The following FBN2 variants were observed in gnomAD, a reference collection of about 807,000 sequenced individuals.
FBN2 encodes the protein fibrillin-2.
Under a neutral mutation model 355.6 loss-of-function variants are expected in FBN2, and 105 were observed. The ratio of observed to expected loss-of-function variants is 0.30; its 90% CI spans 0.25 to 0.35. The LOEUF (loss-of-function observed/expected upper bound fraction) is 0.35. FBN2 is among the 10% of genes least tolerant of loss of function. The pLI, the probability that FBN2 is intolerant of heterozygous loss-of-function variation, is 1.00. For synonymous variants in FBN2, 1,350 were observed against 1,301.2 expected (o/e 1.04, Z -0.81); for missense variants, 3,280 against 3,758.7 (o/e 0.87, Z 3.33).
intron 5 of FBN2, among the ~76,000 whole-genome samples, chr5:128,482,932 T>C (rs990523938): frequency 3.9e-5 from 6 of 152,092 alleles, no homozygotes; most frequent in Non-Finnish European, 8.8e-5. Flanking sequence ...ATAACAGACA[T>C]GGAATCAACC....
At chr5:128,331,885 G>A (rs973522054) in intron 32 of FBN2, among the ~76,000 whole-genome samples, 1 of 152,022 alleles carries the variant, frequency 6.6e-6, no homozygotes, top group Non-Finnish European at 1.5e-5. Flanking sequence ...AAAAATGGGA[G>A]GCCAAAAAGA....
intron 5 of FBN2, among the ~76,000 whole-genome samples, chr5:128,495,622 A>T (rs574594805): frequency 1.3e-5 from 2 of 152,258 alleles, no homozygotes; most frequent in African/African-American, 4.8e-5. Flanking sequence ...ACCTAATGCA[A>T]TCAGAAAGAA....
chr5:128,393,232 T>G lies in FBN2; in HGVS notation c.1368A>C (p.Thr456=). 6.2e-7 allele frequency: 1 copy of G among 1,614,178 alleles called. No individual in the cohort carries two copies. The highest frequency in any genetic ancestry group is 8.5e-7 in the Non-Finnish European group (1 of 1,180,018). ...TGCCTCCAGGGATGGGGATGAAGCC[T>G]GTCCCTCCTGGGCCATAGCCATTGC... is the stretch of plus-strand genomic sequence containing the variant. ...GNGNGYGPGG[T]GFIPIPGGNG... Residue 456 remains threonine (T), a synonymous_variant, in exon 10 of 65, where the codon ACA becomes ACC. Coordinates refer to ENST00000262464, the MANE Select transcript of FBN2 (RefSeq NM_001999.4).
intron 5 of FBN2, among the ~76,000 whole-genome samples, chr5:128,466,399 TA>T (rs1369016565): frequency 1.3e-5 from 2 of 152,212 alleles, no homozygotes; most frequent in Admixed American, 6.5e-5. Context: ...CAAAACTACC[TA>T]ACATTTAAAG....
At chr5:128,320,221 A>C (rs1181470749) in intron 34 of FBN2, among the ~76,000 whole-genome samples, 1 of 143,920 alleles carries the variant, frequency 6.9e-6, no homozygotes, top group African/African-American at 2.5e-5. Flanking sequence ...CTGACTATGC[A>C]TTTTTTTTTT....
chr5:128,328,639 G>T, intron 34 of FBN2, 57 bp downstream of exon 34: 6 of 1,598,990 alleles, frequency 3.8e-6, no homozygotes, highest in Non-Finnish European at 5.1e-6. Flanking sequence ...CCTTGTTGTG[G>T]TTTCATTTAC....
At chr5:128,438,270 T>A (rs1275621008) in intron 7 of FBN2, among the ~76,000 whole-genome samples, 1 of 152,238 alleles carries the variant, frequency 6.6e-6, no homozygotes, top group South Asian at 2.1e-4. Flanking sequence ...TGGGATTACA[T>A]GTGTGTGCCG....
intron 5 of FBN2, among the ~76,000 whole-genome samples, chr5:128,503,396 T>C (rs148059666): frequency 6.6e-4 from 101 of 152,276 alleles, no homozygotes; most frequent in African/African-American, 2.3e-3. Flanking sequence ...GAAGAGACTA[T>C]GGAACTGGGT....
At chr5:128,350,072 A>G in intron 21 of FBN2, 67 bp from the exon 22 acceptor site, 1 of 1,309,110 alleles carries the variant, frequency 7.6e-7, no homozygotes, top group Admixed American at 1.7e-5. Context: ...ATGCTCAAGA[A>G]GAAGTATAAT....
chr5:128,313,950 T>C (rs953445185), intron 36 of FBN2, among the ~76,000 whole-genome samples: 1 of 151,644 alleles, frequency 6.6e-6, no homozygotes, highest in African/African-American at 2.4e-5. Context: ...ACCAACTGAG[T>C]TCCAGCCACC....
intron 5 of FBN2, among the ~76,000 whole-genome samples, chr5:128,488,333 T>C (rs570572085): frequency 1.6e-4 from 24 of 152,274 alleles, no homozygotes; most frequent in African/African-American, 5.5e-4. Context: ...AGTGACTATA[T>C]ATCAACCATG....
chr5:128,283,080 C>A (rs1169317356), intron 55 of FBN2, among the ~76,000 whole-genome samples: 1 of 152,224 alleles, frequency 6.6e-6, no homozygotes, highest in Non-Finnish European at 1.5e-5. Flanking sequence ...AACCTTTTGT[C>A]TTCTTCCAAC....
intron 3 of FBN2, among the ~76,000 whole-genome samples, chr5:128,530,214 T>C (rs947828071): frequency 6.6e-6 from 1 of 152,200 alleles, no homozygotes; most frequent in Non-Finnish European, 1.5e-5. Context: ...TGAAGCAAAA[T>C]AGGTCCATTA....
chr5:128,422,087 C>CA (rs1327563253), intron 7 of FBN2, among the ~76,000 whole-genome samples: 4 of 151,844 alleles, frequency 2.6e-5, no homozygotes, highest in East Asian at 3.9e-4. Context: ...CTTGAAAAGG[C>CA]AAAAAAATGG....
At chr5:128,351,760 C>T (rs1415799441) in intron 20 of FBN2, among the ~76,000 whole-genome samples, 1 of 151,906 alleles carries the variant, frequency 6.6e-6, no homozygotes, top group Non-Finnish European at 1.5e-5. Flanking sequence ...AGTGCATTGC[C>T]ATGTTGCCCA....
intron 25 of FBN2, 34 bp from the exon 26 acceptor site, chr5:128,339,095 T>G: frequency 6.2e-7 from 1 of 1,611,282 alleles, no homozygotes; most frequent in Non-Finnish European, 8.5e-7. Context: ...ATTTAAAAAT[T>G]GAATGAGATA....
At chr5:128,522,156 G>A (rs1756448883) in intron 4 of FBN2, among the ~76,000 whole-genome samples, 1 of 151,916 alleles carries the variant, frequency 6.6e-6, no homozygotes, top group Non-Finnish European at 1.5e-5. Context: ...AAAGATCAAG[G>A]GCCACTGATA....
chr5:128,493,287 G>A (rs7703313), intron 5 of FBN2, among the ~76,000 whole-genome samples: 1 of 151,974 alleles, frequency 6.6e-6, no homozygotes, highest in South Asian at 2.1e-4. Flanking sequence ...GGTGAAAAGC[G>A]AAGGTGTATT....
chr5:128,263,528 T>C lies in FBN2; in HGVS notation c.8089A>G (p.Asn2697Asp). 6.2e-7 allele frequency: 1 copy of C among 1,614,060 alleles called. No homozygotes were observed. Among genetic ancestry groups the C allele is most frequent in the Non-Finnish European group, 8.5e-7 (1 of 1,179,996 alleles). ...DQFSSACHDVNECSSSKNPCN... is the reference protein window; with the variant it reads ...DQFSSACHDVDECSSSKNPCN... ...GGGTTCTTGGAGGACGAGCACTCAT[T>C]CACGTCGTGGCAGGCACTGGAGAAC... The change falls in exon 63 of 65, where the codon AAT becomes GAT. Residue 2697 changes from asparagine to aspartate, a missense_variant. Asn to Asp is a conservative substitution (Grantham distance 23, BLOSUM62 1). Transcript: ENST00000262464.
Sources: allele counts gnomAD v4.1 joint callset (sites outside exome capture counted in the v4.1 genomes callset), GRCh38; gene constraint gnomAD v4.1.1; transcripts MANE v1.5; gene names NCBI Gene and HGNC (gene_info 2026-07-23, HGNC 2026-07-21).